Variants in SMIM14 observed in about 807,000 individuals in gnomAD.
The protein encoded by SMIM14 is small integral membrane protein 14, also known as chromosome 4 open reading frame 34.
A neutral mutation model predicts 12.6 loss-of-function variants in SMIM14; 5 were observed. That is an observed-to-expected ratio of 0.40 (90% CI 0.21 to 0.83). The LOEUF is 0.83. SMIM14 is among the 40% of genes least tolerant of loss of function. The pLI is 0.37. For missense variants in SMIM14, 86 were observed against 119.1 expected, an observed-to-expected ratio of 0.72 and a Z score of 1.29; for synonymous variants, 30 against 40.1, an observed-to-expected ratio of 0.75 and a Z score of 0.95.
chr4:39,605,210 C>A, intron 1 of SMIM14, 30 bp from the exon 2 acceptor site: 1 of 1,282,076 alleles, frequency 7.8e-7, no homozygotes, highest in Admixed American at 2.2e-5. Context: ...ACTGTTAAGT[C>A]TACAATTCAG....
At chr4:39,572,112 TC>T (rs1285933973) in intron 3 of SMIM14, among the ~76,000 whole-genome samples, 1 of 151,944 alleles carries the variant, frequency 6.6e-6, no homozygotes, top group African/African-American at 2.4e-5. Context: ...CCTTTTTTTT[TC>T]CTTATACTTA....
intron 4 of SMIM14, among the ~76,000 whole-genome samples, chr4:39,552,684 G>A (rs1464195062): frequency 6.6e-6 from 1 of 152,130 alleles, no homozygotes; most frequent in Non-Finnish European, 1.5e-5. Context: ...TTAGTATGAG[G>A]AAAGAAACTA....
intron 2 of SMIM14, among the ~76,000 whole-genome samples, chr4:39,597,684 A>T (rs185614904): frequency 6.6e-6 from 1 of 152,288 alleles, no homozygotes; most frequent in Admixed American, 6.5e-5. Flanking sequence ...AAACCCAACA[A>T]AACAAACATG....
rs192342799 is a variant in SMIM14, at chr4:39,587,451, G to A, written c.76-14988C>T. 9.0e-4 allele frequency among the ~76,000 whole-genome samples: 121 copies of A among 135,100 alleles called. 2 individuals carry two copies. The East Asian group carries it at 0.012, about 13-fold the overall frequency. 88.6% of individuals were successfully genotyped at this position (135,100 alleles called of 152,430 possible). A position where few individuals can be genotyped will look rare whatever the true frequency, so the allele number is the denominator to read the frequency against. Reference sequence around the variant, plus strand: ...CGTGGAGCTTGCAGGAGCCAAGATCGCGCCACTGCACTCCAGCCTGGGAGA... The same window carrying A: ...CGTGGAGCTTGCAGGAGCCAAGATCACGCCACTGCACTCCAGCCTGGGAGA... On this transcript the variant is annotated intron_variant, in intron 2 of 4. Transcript: ENST00000295958.
chr4:39,617,984 CAA>C (rs1715283944), intron 1 of SMIM14, among the ~76,000 whole-genome samples: 1 of 152,134 alleles, frequency 6.6e-6, no homozygotes, highest in Non-Finnish European at 1.5e-5. Flanking sequence ...CATCTGCAAT[CAA>C]AGACATCATC....
chr4:39,629,169 C>T (rs187268099), intron 1 of SMIM14, among the ~76,000 whole-genome samples: 1 of 151,474 alleles, frequency 6.6e-6, no homozygotes, highest in African/African-American at 2.4e-5. Context: ...GAGACCAGCC[C>T]GGCTAACATG....
chr4:39,598,404 T>A (rs777022872), intron 2 of SMIM14, among the ~76,000 whole-genome samples: 9 of 152,222 alleles, frequency 5.9e-5, no homozygotes, highest in Non-Finnish European at 1.3e-4. Context: ...TTTCAACTTT[T>A]AGCTGATTGT....
chr4:39,552,380 C>T (rs572730811), intron 4 of SMIM14, among the ~76,000 whole-genome samples: 2 of 152,102 alleles, frequency 1.3e-5, no homozygotes, highest in Non-Finnish European at 2.9e-5. Flanking sequence ...GATTAAATAA[C>T]ACTGTGATTT....
intron 2 of SMIM14, among the ~76,000 whole-genome samples, chr4:39,576,497 C>A (rs1025081274): frequency 6.6e-6 from 1 of 150,926 alleles, no homozygotes; most frequent in South Asian, 2.1e-4. Context: ...GTGGTTGAAG[C>A]GTCTGAGACA....
intron 3 of SMIM14, among the ~76,000 whole-genome samples, chr4:39,557,017 T>C (rs1712050165): frequency 7.2e-6 from 1 of 138,086 alleles, no homozygotes; most frequent in Non-Finnish European, 1.5e-5. Flanking sequence ...CTCTAACAAT[T>C]TTTTTTTTTT....
chr4:39,613,368 C>G (rs1331444121), intron 1 of SMIM14, among the ~76,000 whole-genome samples: 1 of 152,232 alleles, frequency 6.6e-6, no homozygotes, highest in African/African-American at 2.4e-5. Flanking sequence ...AATAGTGCTA[C>G]ACTTCTGTGG....
rs558119059 is a variant in SMIM14, at chr4:39,547,307, G to A, written c.*4819C>T. 3.9e-5 allele frequency: 6 copies of A among 152,198 alleles called. No individual in the cohort carries two copies. The East Asian group carries it at 5.8e-4, about 15-fold the overall frequency. 9.4% of individuals were successfully genotyped at this position (152,198 alleles called of 1,614,324 possible). ...ACAGAAAACACAAAGTGTTACTAAC[G>A]TTTTCTATTTATTCATTAATAAAAA... On this transcript the variant is annotated 3_prime_UTR_variant, in exon 5 of 5. Transcript: ENST00000295958.
At chr4:39,614,297 T>C (rs1017080115) in intron 1 of SMIM14, among the ~76,000 whole-genome samples, 1 of 151,626 alleles carries the variant, frequency 6.6e-6, no homozygotes, top group Admixed American at 6.6e-5. Context: ...TGAAGTTGGG[T>C]TATAGGTTCT....
intron 1 of SMIM14, among the ~76,000 whole-genome samples, chr4:39,605,620 T>C (rs1009255195): frequency 1.3e-5 from 2 of 152,214 alleles, no homozygotes; most frequent in African/African-American, 2.4e-5. Flanking sequence ...TAGGTAGATT[T>C]CAAAAAATAA....
In SMIM14 at chr4:39,552,007, C is replaced by A; in HGVS notation, c.*119G>T. On this transcript the variant is annotated 3_prime_UTR_variant, in exon 5 of 5. Transcript: ENST00000295958. ...TTCTAGAAGCTCATGAAAACAATAC[C>A]ATCCCATATTGCAGATACAAAAGGA... The A allele has an allele frequency of 4.3e-6, 3 of 693,878 alleles. No individual in the cohort carries two copies. Among genetic ancestry groups the A allele is most frequent in the South Asian group, 3.1e-5 (1 of 32,068 alleles). 43.0% of individuals were successfully genotyped at this position (693,878 alleles called of 1,614,324 possible).
intron 4 of SMIM14, among the ~76,000 whole-genome samples, chr4:39,556,162 GAA>G (rs34507945): frequency 1.3e-4 from 17 of 128,714 alleles, no homozygotes; most frequent in Non-Finnish European, 1.7e-4. Context: ...GACCCTGTCT[GAA>G]AAAAAAAAAA....
intron 2 of SMIM14, among the ~76,000 whole-genome samples, chr4:39,573,572 A>G (rs1713009973): frequency 6.6e-6 from 1 of 152,230 alleles, no homozygotes; most frequent in South Asian, 2.1e-4. Flanking sequence ...AAAATCACCC[A>G]TGACACAAAT....
At chr4:39,608,868 A>T (rs1225291751) in intron 1 of SMIM14, among the ~76,000 whole-genome samples, 1 of 152,232 alleles carries the variant, frequency 6.6e-6, no homozygotes, top group African/African-American at 2.4e-5. Flanking sequence ...ATAGGGAGTG[A>T]CTGCTAATGT....
Position 39,572,400 on chromosome 4 carries a change from C to T in SMIM14, c.124+15G>A, listed in dbSNP as rs750907676. 1 of 1,562,954 alleles carries T rather than the reference C, an allele frequency of 6.4e-7. No homozygotes were observed. Among genetic ancestry groups the T allele is most frequent in the South Asian group, 1.1e-5 (1 of 88,428 alleles). ...CCCCCAATGCCATCCTTCCTCCTGT[C>T]TCAGTGGTACTTACATTCCTGAAGA... On this transcript the variant is annotated intron_variant, in intron 3 of 4. Transcript: ENST00000295958.
Sources: allele counts gnomAD v4.1 joint callset (sites outside exome capture counted in the v4.1 genomes callset), GRCh38; gene constraint gnomAD v4.1.1; transcripts MANE v1.5; gene names NCBI Gene and HGNC (gene_info 2026-07-23, HGNC 2026-07-21).